PIKFYVE: variants seen among roughly 807,000 people sequenced by gnomAD.
PIKFYVE encodes the protein phosphoinositide kinase, FYVE-type zinc finger containing, also known as 1-phosphatidylinositol 3-phosphate 5-kinase.
A neutral mutation model predicts 257.9 loss-of-function variants in PIKFYVE; 122 were observed. The ratio of observed to expected loss-of-function variants is 0.47; its 90% CI spans 0.41 to 0.55. The LOEUF is 0.55. Among genes scored for constraint, PIKFYVE ranks in the 20% least tolerant of loss-of-function variants. The probability of loss-of-function intolerance (pLI) is 0.00; values close to 1 mark genes in which losing one functional copy is unlikely to be tolerated. For synonymous variants in PIKFYVE, 892 were observed against 868.9 expected, an observed-to-expected ratio of 1.03 and a Z score of -0.47; for missense variants, 2,160 against 2,536.6, an observed-to-expected ratio of 0.85 and a Z score of 3.19.
At chr2:208,270,747 G>A (rs1253709474) in intron 1 of PIKFYVE, among the ~76,000 whole-genome samples, 1 of 152,112 alleles carries the variant, frequency 6.6e-6, no homozygotes, top group African/African-American at 2.4e-5. Flanking sequence ...AAATATAAAA[G>A]TTGAGGCCAG....
At chr2:208,305,071 T>C in intron 12 of PIKFYVE, 58 bp downstream of exon 12, 17 of 1,608,772 alleles carry the variant, frequency 1.1e-5, no homozygotes, top group Non-Finnish European at 1.4e-5. Context: ...GGCCATAGGA[T>C]CTCATGCCAG....
chr2:208,283,911 ACTG>A (rs1270588066), intron 5 of PIKFYVE, among the ~76,000 whole-genome samples: 1 of 152,160 alleles, frequency 6.6e-6, no homozygotes, highest in African/African-American at 2.4e-5. Flanking sequence ...AAAACTGAGT[ACTG>A]TGTAATAGTA....
At chr2:208,343,853 A>G (rs1006208117) in intron 32 of PIKFYVE, among the ~76,000 whole-genome samples, 3 of 148,008 alleles carry the variant, frequency 2.0e-5, no homozygotes, top group African/African-American at 7.5e-5. Context: ...TTTTTTTGAG[A>G]CAGAGTCTTT....
chr2:208,298,593 TGAA>T (rs977171492), intron 7 of PIKFYVE, 45 bp from the exon 8 acceptor site: 1 of 1,604,250 alleles, frequency 6.2e-7, no homozygotes, highest in African/African-American at 1.3e-5. Context: ...TTCTGTTTAT[TGAA>T]GAAGAATTTA....
rs137938398 is a variant in PIKFYVE, at chr2:208,273,670, A to G, written c.259A>G (p.Arg87Gly). 25 of 1,614,018 alleles carry G rather than the reference A, an allele frequency of 1.5e-5. No homozygotes were observed. The highest frequency in any genetic ancestry group is 1.2e-4 in the Admixed American group (7 of 59,998). Reference protein sequence around the residue: ...PQLPSRTQSVRSPTPYKKQLN... With the variant: ...PQLPSRTQSVGSPTPYKKQLN... The stretch of plus-strand genomic sequence containing the variant: ...GCTCCCTTCGAGGACACAGTCTGTT[A>G]GGTCACCCACACCTTATAAAAAGCA... Residue 87 changes from arginine (R) to glycine (G), a missense_variant, in exon 3 of 42, where the codon AGG becomes GGG. Physicochemically the swap from Arg to Gly is moderately radical, Grantham distance 125. Around this residue, in one of 12 missense-constraint regions of PIKFYVE, gnomAD observed 172 missense variants for 180.6 expected, o/e 0.95. Coordinates refer to ENST00000264380, the MANE Select transcript of PIKFYVE (RefSeq NM_015040.4).
chr2:208,285,117 C>T (rs182358935), intron 5 of PIKFYVE, among the ~76,000 whole-genome samples: 4 of 152,110 alleles, frequency 2.6e-5, no homozygotes, highest in African/African-American at 4.8e-5. Context: ...TATTTTGAGA[C>T]GGAGTTTCGT....
At position 208,337,586 on chromosome 2, in the gene PIKFYVE, G is replaced by GATCT. The variant is rs1020750786; in HGVS notation, c.4611+668_4611+671dup. ...ATCTAGATATATCTATCTGTCTATCGATCTATCTATCTAGATAGATAGATA... is the reference window on the plus strand; with the variant it reads ...ATCTAGATATATCTATCTGTCTATCGATCTATCTATCTATCTAGATAGATAGATA... On this transcript the variant is annotated intron_variant, in intron 28 of 41. Coordinates refer to ENST00000264380, the MANE Select transcript of PIKFYVE (RefSeq NM_015040.4). 1.9e-4 allele frequency among the ~76,000 whole-genome samples: 28 copies of GATCT among 151,170 alleles called. No individual in the cohort carries two copies. In the East Asian group the frequency reaches 4.9e-3, roughly 26 times the overall value.
chr2:208,334,945 T>C (rs576279219), intron 24 of PIKFYVE, among the ~76,000 whole-genome samples: 101 of 152,284 alleles, frequency 6.6e-4, no homozygotes, highest in South Asian at 1.9e-3. Context: ...CAAAGACTCA[T>C]GAAGAATCTT....
rs779842105 is a variant in PIKFYVE at position 208,325,847 on chromosome 2, A to G, written c.3036A>G (p.Ile1012Met). The G allele has an allele frequency of 3.1e-6, 5 of 1,613,958 alleles. No homozygotes were observed. In the East Asian group the frequency reaches 6.7e-5, roughly 22 times the overall value. ...TVVLQDPKSQ[I>M]RAFRDPLQDD... ...TGCTGCAGGATCCCAAAAGCCAGAT[A>G]AGAGCCTTTAGAGACCCTCTACAGG... Residue 1012 changes from isoleucine to methionine, a missense_variant, in exon 20 of 42, where the codon ATA (isoleucine) becomes ATG (methionine). Ile to Met is a conservative substitution (Grantham distance 10). Transcript: ENST00000264380.
At chr2:208,285,615 G>C in intron 5 of PIKFYVE, 111 bp from the exon 6 acceptor site, 1 of 866,566 alleles carries the variant, frequency 1.2e-6, no homozygotes. Flanking sequence ...AGACATTTCC[G>C]TTATTAGATG....
chr2:208,303,228 G>GTT (rs1391144044), intron 10 of PIKFYVE, among the ~76,000 whole-genome samples: 16 of 150,644 alleles, frequency 1.1e-4, no homozygotes, highest in African/African-American at 3.7e-4. Flanking sequence ...CAATATATAG[G>GTT]TTATATATAT....
At position 208,355,249 on chromosome 2, in the gene PIKFYVE, G is replaced by A. The variant is rs372106126; in HGVS notation, c.6241G>A (p.Asp2081Asn). 2.5e-6 allele frequency: 4 copies of A among 1,613,964 alleles called. No homozygotes were observed. In the Admixed American group the frequency reaches 6.7e-5, roughly 27 times the overall value. Residue 2081 changes from aspartate to asparagine, a missense_variant, in exon 42 of 42, where the codon GAC becomes AAC. Coordinates refer to ENST00000264380, the MANE Select transcript of PIKFYVE (RefSeq NM_015040.4). ...LYRTRFCEAM[D>N]KYFLMVPDHW... is the part of the protein sequence containing the mutation. ...CAGGACTAGGTTTTGTGAGGCAATGGACAAGTATTTCCTAATGGTACCAGA... is the reference window on the plus strand; with the variant it reads ...CAGGACTAGGTTTTGTGAGGCAATGAACAAGTATTTCCTAATGGTACCAGA...
At chr2:208,353,537 ATCTC>A (rs74342819) in intron 39 of PIKFYVE, among the ~76,000 whole-genome samples, 1 of 139,724 alleles carries the variant, frequency 7.2e-6, no homozygotes, top group African/African-American at 3.0e-5. Context: ...GACTATTTGC[ATCTC>A]TCTCTTTTTT....
At chr2:208,317,517 A>G (rs7574324) in intron 15 of PIKFYVE, among the ~76,000 whole-genome samples, 141,432 of 152,074 alleles carry the variant, frequency 0.93, 66,295 homozygotes, top group Non-Finnish European at 0.98. Flanking sequence ...CAGGGAAGTC[A>G]AAAGATTGGA....
chr2:208,328,376 T>C, intron 21 of PIKFYVE, 96 bp downstream of exon 21: 1 of 1,448,256 alleles, frequency 6.9e-7, no homozygotes, highest in Non-Finnish European at 9.6e-7. Flanking sequence ...AGGACCTGTA[T>C]TTAGGTACAC....
At chr2:208,331,556 T>C (rs1469319818) in intron 23 of PIKFYVE, among the ~76,000 whole-genome samples, 1 of 152,178 alleles carries the variant, frequency 6.6e-6, no homozygotes, top group Non-Finnish European at 1.5e-5. Flanking sequence ...TTTGTATTTT[T>C]AATAGAGACA....
chr2:208,269,824 T>G, intron 1 of PIKFYVE: 1 of 246,958 alleles, frequency 4.0e-6, no homozygotes, highest in East Asian at 9.1e-5. Context: ...CTTGGTTTTC[T>G]CAGGGGCCTG....
rs1699713465 is a variant in PIKFYVE, at chr2:208,350,880, C to T, written c.5544C>T (p.Ser1848=). 1.9e-6 allele frequency: 3 copies of T among 1,613,982 alleles called. No individual in the cohort carries two copies. The highest frequency in any genetic ancestry group is 2.7e-5 in the African/African-American group (2 of 74,898). The part of the protein sequence containing the change: ...LDSSEEDFIR[S]LSHSSPWQAR... ...GCAGTGAAGAAGATTTCATTCGTTC[C>T]CTCTCCCACTCATCACCCTGGCAGG... The change falls in exon 37 of 42, where the codon TCC becomes TCT. Residue 1848 remains serine, a synonymous_variant. Transcript: ENST00000264380.
At chr2:208,282,614 A>G (rs1690964046) in intron 5 of PIKFYVE, among the ~76,000 whole-genome samples, 2 of 152,242 alleles carry the variant, frequency 1.3e-5, no homozygotes, top group South Asian at 4.1e-4. Context: ...AGACCCACTC[A>G]CATTCTAGAG....
Sources: allele counts gnomAD v4.1 joint callset (sites outside exome capture counted in the v4.1 genomes callset), GRCh38; gene constraint gnomAD v4.1.1; regional missense constraint gnomAD v4.1.1; transcripts MANE v1.5; gene names NCBI Gene and HGNC (gene_info 2026-07-23, HGNC 2026-07-21).